ANKS6: variants seen among roughly 807,000 people sequenced by gnomAD.
ANKS6 encodes ankyrin repeat and sterile alpha motif domain containing 6.
Under a neutral mutation model 77.9 loss-of-function variants are expected in ANKS6, and 47 were observed. The ratio of observed to expected loss-of-function variants is 0.60; its 90% CI spans 0.48 to 0.77. ANKS6 has a LOEUF of 0.77. Ranked by LOEUF, ANKS6 falls within the 30% of genes least tolerant of loss-of-function variation. ANKS6 has a pLI of 0.00. For missense variants in ANKS6, 1,150 were observed against 1,159.1 expected, an observed-to-expected ratio of 0.99 and a Z score of 0.11; for synonymous variants, 488 against 501.7, an observed-to-expected ratio of 0.97 and a Z score of 0.37.
Position 98,780,256 on chromosome 9 carries a change from AG to A in ANKS6, c.1300del (p.Leu434CysfsTer22). 1 of 1,613,830 alleles carries A rather than the reference AG, an allele frequency of 6.2e-7. No homozygotes were observed. The highest frequency in any genetic ancestry group is 8.5e-7 in the Non-Finnish European group (1 of 1,179,932). On this transcript the variant is annotated frameshift_variant, in exon 6 of 15. Coordinates refer to ENST00000353234, the MANE Select transcript of ANKS6 (RefSeq NM_173551.5). LOFTEE classifies it high-confidence loss of function. ...DKGRPSHQPP[L>X]PHSKVRQPWS... ...GGGCTGTCGGACCTTCGAGTGGGGC[AG>A]GGGAGGCTGGTGGCTCGGCCGGCCT...
chr9:98,788,298 C>T (rs1490883464), intron 2 of ANKS6, among the ~76,000 whole-genome samples: 1 of 152,220 alleles, frequency 6.6e-6, no homozygotes, highest in East Asian at 1.9e-4. Flanking sequence ...GCTCGGCAGG[C>T]ACGGGCAGGT....
At chr9:98,747,085 C>A (rs1017685627) in intron 13 of ANKS6, among the ~76,000 whole-genome samples, 2 of 152,174 alleles carry the variant, frequency 1.3e-5, no homozygotes, top group Non-Finnish European at 2.9e-5. Flanking sequence ...AGGGTGGATG[C>A]GGGATCTACA....
chr9:98,756,727 T>A, intron 11 of ANKS6, 124 bp from the exon 12 acceptor site: 11 of 802,554 alleles, frequency 1.4e-5, no homozygotes, highest in Non-Finnish European at 1.9e-5. Flanking sequence ...ACCAAGACTA[T>A]GAAATCTACT....
At chr9:98,745,441 G>T in intron 14 of ANKS6, 118 bp downstream of exon 14, 2 of 914,840 alleles carry the variant, frequency 2.2e-6, no homozygotes, top group Non-Finnish European at 3.5e-6. Flanking sequence ...CATGCTGGGA[G>T]GTAGTGAGTG....
intron 11 of ANKS6, among the ~76,000 whole-genome samples, chr9:98,763,234 G>T (rs1037612653): frequency 3.3e-5 from 5 of 150,702 alleles, no homozygotes; most frequent in African/African-American, 9.8e-5. Flanking sequence ...CACCAAAAGA[G>T]ATCACATTCT....
Position 98,796,389 on chromosome 9 carries a change from C to G in ANKS6, c.103G>C (p.Glu35Gln). ...GGCTCCGCGCCGCGCTCGGCTGGCT[C>G]CGCCGCCCCCGGCTCCAGCAGCCGC... Reference protein sequence around the residue: ...ARRLLEPGAAEPAERGAEPEA... With the variant: ...ARRLLEPGAAQPAERGAEPEA... Residue 35 changes from glutamate to glutamine, a missense_variant, in exon 1 of 15, where the codon GAG becomes CAG. Coordinates refer to ENST00000353234, the MANE Select transcript of ANKS6 (RefSeq NM_173551.5). The G allele has an allele frequency of 1.7e-5, 17 of 1,002,654 alleles. No individual in the cohort carries two copies. The highest frequency in any genetic ancestry group is 1.9e-5 in the Non-Finnish European group (16 of 843,410). 62.1% of individuals were successfully genotyped at this position (1,002,654 alleles called of 1,614,324 possible).
chr9:98,761,261 CT>C (rs1832988781), intron 11 of ANKS6, among the ~76,000 whole-genome samples: 1 of 151,986 alleles, frequency 6.6e-6, no homozygotes, highest in Non-Finnish European at 1.5e-5. Flanking sequence ...TTTATTTAGT[CT>C]GGAAAAAAAG....
chr9:98,734,195 C>A lies in ANKS6; in HGVS notation c.*2324G>T. The A allele has an allele frequency of 4.1e-6, 4 of 985,438 alleles. No homozygotes were observed. The highest frequency in any genetic ancestry group is 4.8e-6 in the Non-Finnish European group (4 of 830,010). The allele number at this position is 985,438 out of a possible 1,614,324, so 61.0% of individuals were successfully genotyped here. On this transcript the variant is annotated 3_prime_UTR_variant, in exon 15 of 15. Coordinates refer to ENST00000353234, the MANE Select transcript of ANKS6 (RefSeq NM_173551.5). ...CACACAAACTTCCTAGGATGAAAAG[C>A]CTTGGACACTTGAGTCCAGTGAAAA...
Position 98,732,875 on chromosome 9 carries a change from G to A in ANKS6, c.*3644C>T, listed in dbSNP as rs373497295. On this transcript the variant is annotated 3_prime_UTR_variant, in exon 15 of 15. Transcript: ENST00000353234. Reference sequence around the variant, plus strand: ...ACCCAACTGACCCTTCCTCCCTGACGATCTAGAACTTACACATTACGTGCT... The same window carrying A: ...ACCCAACTGACCCTTCCTCCCTGACAATCTAGAACTTACACATTACGTGCT... 7.9e-5 allele frequency: 91 copies of A among 1,150,160 alleles called. 2 individuals carry two copies. The East Asian group carries it at 2.1e-3, about 27-fold the overall frequency. The allele number at this position is 1,150,160 out of a possible 1,614,324, so 71.2% of individuals were successfully genotyped here.
At position 98,732,805 on chromosome 9, in the gene ANKS6, G is replaced by A. The variant is rs73491795; in HGVS notation, c.*3714C>T. 6,385 of 1,328,286 alleles carry A rather than the reference G, an allele frequency of 4.8e-3. 267 individuals are homozygous for A. In the African/African-American group the frequency reaches 0.084, roughly 17 times the overall value. 82.3% of individuals were successfully genotyped at this position (1,328,286 alleles called of 1,614,324 possible). The stretch of plus-strand genomic sequence containing the variant: ...GTCCAGTGCTCTTTCCAGGGTAACA[G>A]GTTGCTTCTACTCATTTTAAAGGAC... On this transcript the variant is annotated 3_prime_UTR_variant, in exon 15 of 15. Transcript: ENST00000353234.
In ANKS6 at chr9:98,784,814, A is replaced by T; in HGVS notation, c.907+18T>A. The T allele has an allele frequency of 6.2e-7, 1 of 1,609,694 alleles. No individual in the cohort carries two copies. Among genetic ancestry groups the T allele is most frequent in the Non-Finnish European group, 8.5e-7 (1 of 1,177,484 alleles). ...CCTATATTCTTAAATATCCAAAAAGATTTTCTAAAGCGCTTACCCATTTTC... is the reference window on the plus strand; with the variant it reads ...CCTATATTCTTAAATATCCAAAAAGTTTTTCTAAAGCGCTTACCCATTTTC... On this transcript the variant is annotated intron_variant, in intron 3 of 14. Transcript: ENST00000353234.
Position 98,736,273 on chromosome 9 carries a change from T to G in ANKS6, c.*246A>C. On this transcript the variant is annotated 3_prime_UTR_variant, in exon 15 of 15. Transcript: ENST00000353234. The stretch of plus-strand genomic sequence containing the variant: ...GGAGCTGAGTCCCTGCATCACTGTG[T>G]GAACCAACCTGCCAAGCAGAAGCAC... 1 of 1,344,776 alleles carries G rather than the reference T, an allele frequency of 7.4e-7. No homozygotes were observed. Among genetic ancestry groups the G allele is most frequent in the Non-Finnish European group, 9.5e-7 (1 of 1,051,922 alleles). The allele number at this position is 1,344,776 out of a possible 1,614,324, so 83.3% of individuals were successfully genotyped here. A position where few individuals can be genotyped will look rare whatever the true frequency, so the allele number is the denominator to read the frequency against.
intron 11 of ANKS6, among the ~76,000 whole-genome samples, chr9:98,762,012 C>CA (rs1833040449): frequency 6.6e-6 from 1 of 152,260 alleles, no homozygotes; most frequent in Non-Finnish European, 1.5e-5. Flanking sequence ...TCTTCATAAT[C>CA]ACAAGCCTTC....
intron 7 of ANKS6, 150 bp downstream of exon 7, chr9:98,778,076 T>G: frequency 1.1e-6 from 1 of 949,480 alleles, no homozygotes; most frequent in Admixed American, 2.9e-5. Context: ...CCTGCCTAAG[T>G]ATCTTTTCCA....
chr9:98,740,658 T>C (rs1831777407), intron 14 of ANKS6, among the ~76,000 whole-genome samples: 1 of 152,230 alleles, frequency 6.6e-6, no homozygotes, highest in Non-Finnish European at 1.5e-5. Context: ...CGCTGCCTGC[T>C]AACCTTAGGA....
At position 98,734,367 on chromosome 9, in the gene ANKS6, A is replaced by C. The variant is rs763506644; in HGVS notation, c.*2152T>G. The C allele has an allele frequency of 6.1e-6, 6 of 985,478 alleles. No homozygotes were observed. The highest frequency in any genetic ancestry group is 7.2e-6 in the Non-Finnish European group (6 of 829,972). 61.0% of individuals were successfully genotyped at this position (985,478 alleles called of 1,614,324 possible). A position where few individuals can be genotyped will look rare whatever the true frequency, so the allele number is the denominator to read the frequency against. ...CGGTGCAGCTGTGTATCATTGTTCA[A>C]TCAAACTTACCTGAGTGGAAGCTAT... is the stretch of plus-strand genomic sequence containing the variant. On this transcript the variant is annotated 3_prime_UTR_variant, in exon 15 of 15. Coordinates refer to ENST00000353234, the MANE Select transcript of ANKS6 (RefSeq NM_173551.5).
intron 14 of ANKS6, among the ~76,000 whole-genome samples, chr9:98,741,268 T>C (rs534122561): frequency 2.0e-5 from 3 of 152,202 alleles, no homozygotes; most frequent in Non-Finnish European, 4.4e-5. Flanking sequence ...AGGATATAAA[T>C]ACGGACCCAA....
intron 14 of ANKS6, among the ~76,000 whole-genome samples, chr9:98,739,859 C>T (rs915555036): frequency 6.8e-6 from 1 of 147,856 alleles, no homozygotes; most frequent in Non-Finnish European, 1.5e-5. Context: ...GGGTTCACGC[C>T]ATTCTCCTGC....
chr9:98,738,092 G>T (rs1831601694), intron 14 of ANKS6, among the ~76,000 whole-genome samples: 1 of 152,178 alleles, frequency 6.6e-6, no homozygotes, highest in South Asian at 2.1e-4. Context: ...ACTCAAGATG[G>T]ATTAAAGATT....
Sources: gnomAD v4.1 joint callset for allele counts (sites outside exome capture counted in the v4.1 genomes callset) on GRCh38, gnomAD v4.1.1 for gene constraint, MANE v1.5 for transcripts, NCBI Gene and HGNC (gene_info 2026-07-23, HGNC 2026-07-21) for gene names.